KCNH1: variants seen among roughly 807,000 people sequenced by gnomAD.
The protein encoded by KCNH1 is voltage-gated delayed rectifier potassium channel KCNH1.
In KCNH1, 27 loss-of-function variants were observed where a neutral mutation model predicts 69.2. The ratio of observed to expected loss-of-function variants is 0.39; its 90% CI spans 0.29 to 0.54. The LOEUF is 0.54. Among genes scored for constraint, KCNH1 ranks in the 20% least tolerant of loss-of-function variants. KCNH1 has a pLI of 0.68. For missense variants in KCNH1, 798 were observed against 1,261.6 expected (o/e 0.63, Z 5.57); for synonymous variants, 456 against 487.7 (o/e 0.93, Z 0.86).
chr1:210,759,982 G>T (rs1432440330), intron 10 of KCNH1, among the ~76,000 whole-genome samples: 3 of 152,162 alleles, frequency 2.0e-5, no homozygotes, highest in Admixed American at 1.3e-4. Context: ...TATCAGATCA[G>T]CAGTGGCATT....
chr1:210,968,082 T>C (rs954774089), intron 6 of KCNH1, among the ~76,000 whole-genome samples: 1 of 150,824 alleles, frequency 6.6e-6, no homozygotes, highest in South Asian at 2.1e-4. Context: ...GTGATCTCAC[T>C]GTTCAGTTCC....
At position 210,683,163 on chromosome 1, in the gene KCNH1, T is replaced by C; in HGVS notation, c.*118A>G. On this transcript the variant is annotated 3_prime_UTR_variant, in exon 11 of 11. Coordinates refer to ENST00000271751, the MANE Select transcript of KCNH1 (RefSeq NM_172362.3). The surrounding 1 kb of genome is among the most constrained non-coding windows in gnomAD (Gnocchi z 5.7). ...GCACGTCTAAGCCACTGGCCCCACT[T>C]TTTCTGTTAGGAAAAGCCTACTTGA... 1 of 1,047,748 alleles carries C rather than the reference T, an allele frequency of 9.5e-7. No homozygotes were observed. The highest frequency in any genetic ancestry group is 1.4e-6 in the Non-Finnish European group (1 of 720,592). The allele number at this position is 1,047,748 out of a possible 1,614,324, so 64.9% of individuals were successfully genotyped here. A position where few individuals can be genotyped will look rare whatever the true frequency, so the allele number is the denominator to read the frequency against.
chr1:210,884,929 G>T (rs1251876327), intron 7 of KCNH1, among the ~76,000 whole-genome samples: 1 of 152,128 alleles, frequency 6.6e-6, no homozygotes, highest in Non-Finnish European at 1.5e-5. Flanking sequence ...ACCCTTCCAG[G>T]ACCAACTCAG....
intron 10 of KCNH1, among the ~76,000 whole-genome samples, chr1:210,709,742 A>AAG (rs35326611): frequency 0.019 from 2,801 of 144,882 alleles, 28 homozygotes; most frequent in African/African-American, 0.029. Context: ...GAGAGAGAGA[A>AAG]AGAGAGAGAG....
At chr1:210,753,353 A>G (rs930530715) in intron 10 of KCNH1, among the ~76,000 whole-genome samples, 2 of 152,216 alleles carry the variant, frequency 1.3e-5, no homozygotes, top group Admixed American at 6.5e-5. Context: ...CAGGACACAC[A>G]CAAATAATGG....
At chr1:210,835,036 A>T (rs1685252402) in intron 7 of KCNH1, among the ~76,000 whole-genome samples, 2 of 152,160 alleles carry the variant, frequency 1.3e-5, no homozygotes, top group Admixed American at 1.3e-4. Flanking sequence ...AAGCCTTCTG[A>T]AGATAGGAGA....
chr1:210,905,032 A>T (rs144970043), intron 7 of KCNH1, among the ~76,000 whole-genome samples: 1 of 152,304 alleles, frequency 6.6e-6, no homozygotes, highest in African/African-American at 2.4e-5. Context: ...CCACACCATC[A>T]GCTCCTTAAG....
intron 7 of KCNH1, chr1:210,860,760 A>T: frequency 1.3e-6 from 1 of 796,672 alleles, no homozygotes; most frequent in Non-Finnish European, 2.3e-6. Context: ...TGTCTCTGTC[A>T]TCAATCAGAC....
At chr1:210,888,418 G>A (rs540264944) in intron 7 of KCNH1, among the ~76,000 whole-genome samples, 2 of 152,272 alleles carry the variant, frequency 1.3e-5, no homozygotes, top group African/African-American at 4.8e-5. Context: ...AGTGTTTACA[G>A]GGATATTTAT....
chr1:211,112,363 A>C (rs1035152505), intron 1 of KCNH1, among the ~76,000 whole-genome samples: 1 of 136,938 alleles, frequency 7.3e-6, no homozygotes, highest in African/African-American at 2.8e-5. Context: ...TGGCCGCCCC[A>C]CCGTCTGGGA....
intron 7 of KCNH1, among the ~76,000 whole-genome samples, chr1:210,830,948 T>A (rs1685149109): frequency 1.3e-5 from 2 of 152,204 alleles, no homozygotes; most frequent in Non-Finnish European, 1.5e-5. Flanking sequence ...AAGGAATGTA[T>A]TTAGGTAACC....
intron 6 of KCNH1, among the ~76,000 whole-genome samples, chr1:210,961,855 A>G (rs1036310688): frequency 6.6e-6 from 1 of 152,146 alleles, no homozygotes; most frequent in Non-Finnish European, 1.5e-5. Flanking sequence ...AAAGAAAAAA[A>G]AAAAGAATAC....
At chr1:210,686,041 C>T (rs1558422395) in intron 10 of KCNH1, among the ~76,000 whole-genome samples, 1 of 152,164 alleles carries the variant, frequency 6.6e-6, no homozygotes, top group Admixed American at 6.5e-5. Flanking sequence ...TTCTGACCTC[C>T]ACTGGGCAGC....
chr1:210,909,244 C>T (rs1291708015), intron 7 of KCNH1, among the ~76,000 whole-genome samples: 1 of 152,234 alleles, frequency 6.6e-6, no homozygotes, highest in African/African-American at 2.4e-5. Flanking sequence ...AAACCCTTAT[C>T]AAGCTCTTCT....
At chr1:210,692,395 A>G (rs914792200) in intron 10 of KCNH1, among the ~76,000 whole-genome samples, 4 of 152,032 alleles carry the variant, frequency 2.6e-5, no homozygotes, top group African/African-American at 9.7e-5. Flanking sequence ...CTGGGTTGCT[A>G]CTCAGGGAAG....
chr1:211,009,234 G>A lies in KCNH1; in HGVS notation c.1032+9549C>T, dbSNP rs1207440706. Among the ~76,000 whole-genome samples the A allele has an allele frequency of 3.9e-5, 6 of 152,272 alleles. No individual in the cohort carries two copies. The South Asian group carries it at 1.0e-3, about 26-fold the overall frequency. On this transcript the variant is annotated intron_variant, in intron 6 of 10. Coordinates refer to ENST00000271751, the MANE Select transcript of KCNH1 (RefSeq NM_172362.3). Reference sequence around the variant, plus strand: ...TCTGACCATTAGATTTGGCTACATGGACATCACTGGCACCTTTGACAACAA... The same window carrying A: ...TCTGACCATTAGATTTGGCTACATGAACATCACTGGCACCTTTGACAACAA...
chr1:210,848,689 T>C (rs542311314), intron 7 of KCNH1, among the ~76,000 whole-genome samples: 3 of 152,238 alleles, frequency 2.0e-5, no homozygotes, highest in Non-Finnish European at 2.9e-5. Flanking sequence ...CATTTTTCTG[T>C]ATGAAAAATA....
At chr1:210,914,477 A>C (rs1687295986) in intron 7 of KCNH1, among the ~76,000 whole-genome samples, 1 of 152,124 alleles carries the variant, frequency 6.6e-6, no homozygotes, top group Non-Finnish European at 1.5e-5. Flanking sequence ...TGCAAGTGAC[A>C]ATACAAGCTG....
At chr1:211,014,359 T>C (rs1008622043) in intron 6 of KCNH1, among the ~76,000 whole-genome samples, 3 of 152,190 alleles carry the variant, frequency 2.0e-5, no homozygotes, top group Admixed American at 2.0e-4. Flanking sequence ...AGACCTTTTA[T>C]CCTCCGAACA....
Sources: allele counts gnomAD v4.1 joint callset (sites outside exome capture counted in the v4.1 genomes callset), GRCh38; gene constraint gnomAD v4.1.1; non-coding constraint Gnocchi (gnomAD v3.1); transcripts MANE v1.5; gene names NCBI Gene and HGNC (gene_info 2026-07-23, HGNC 2026-07-21).